The following CRTAC1 variants were observed in gnomAD, a reference collection of about 807,000 sequenced individuals.
CRTAC1 encodes the protein acidic secreted protein in cartilage.
In CRTAC1, 37 loss-of-function variants were observed where a neutral mutation model predicts 67.8. The ratio of observed to expected loss-of-function variants is 0.55; its 90% CI spans 0.42 to 0.72. CRTAC1 has a LOEUF of 0.72. CRTAC1 is among the 30% of genes least tolerant of loss of function. CRTAC1 has a pLI of 0.00. For missense variants in CRTAC1, 780 were observed against 931.6 expected, an observed-to-expected ratio of 0.84 and a Z score of 2.12; for synonymous variants, 348 against 371.0, an observed-to-expected ratio of 0.94 and a Z score of 0.71.
At chr10:97,873,152 C>T (rs1490101962) in intron 14 of CRTAC1, among the ~76,000 whole-genome samples, 1 of 152,150 alleles carries the variant, frequency 6.6e-6, no homozygotes, top group Non-Finnish European at 1.5e-5. Flanking sequence ...GAAACAACTT[C>T]TTAAGGCCAC....
chr10:97,949,078 C>T (rs2051308910), intron 2 of CRTAC1, among the ~76,000 whole-genome samples: 1 of 152,164 alleles, frequency 6.6e-6, no homozygotes, highest in African/African-American at 2.4e-5. Flanking sequence ...CCATATCACA[C>T]CCAGAAAGCT....
intron 2 of CRTAC1, among the ~76,000 whole-genome samples, chr10:97,952,490 A>G (rs1238051497): frequency 1.3e-5 from 2 of 149,776 alleles, no homozygotes; most frequent in East Asian, 3.9e-4. Context: ...TTGAGTCAAG[A>G]TCATGCCATT....
intron 6 of CRTAC1, among the ~76,000 whole-genome samples, chr10:97,906,546 C>T (rs2050615555): frequency 6.6e-6 from 1 of 152,210 alleles, no homozygotes; most frequent in Admixed American, 6.5e-5. Flanking sequence ...CTCACCTCTG[C>T]TTCCATCTCT....
At chr10:97,923,511 T>C (rs1368241019) in intron 3 of CRTAC1, 111 bp from the exon 4 acceptor site, 8 of 1,351,980 alleles carry the variant, frequency 5.9e-6, no homozygotes, top group South Asian at 1.3e-5. Context: ...CCAGAGGAGG[T>C]TGGGTCATCT....
At chr10:97,954,003 T>C (rs573549736) in intron 2 of CRTAC1, among the ~76,000 whole-genome samples, 46 of 152,122 alleles carry the variant, frequency 3.0e-4, no homozygotes, top group African/African-American at 1.1e-3. Flanking sequence ...AGCTGAAAAA[T>C]CAATGCCAGG....
chr10:97,935,334 T>C (rs1291709873), intron 3 of CRTAC1, among the ~76,000 whole-genome samples: 1 of 152,218 alleles, frequency 6.6e-6, no homozygotes, highest in Non-Finnish European at 1.5e-5. Flanking sequence ...TAGGTGCTAC[T>C]TAAGTATTAA....
chr10:98,027,246 C>T (rs1036190775), intron 1 of CRTAC1, among the ~76,000 whole-genome samples: 1 of 151,822 alleles, frequency 6.6e-6, no homozygotes, highest in Non-Finnish European at 1.5e-5. Context: ...GCTCAGATGT[C>T]GACAGCCAGG....
At chr10:97,962,855 T>A (rs929984917) in intron 2 of CRTAC1, among the ~76,000 whole-genome samples, 16 of 149,792 alleles carry the variant, frequency 1.1e-4, no homozygotes, top group African/African-American at 3.5e-4. Context: ...GGCATCAACA[T>A]GCCAGGAGGA....
At chr10:97,951,746 G>T (rs1173725216) in intron 2 of CRTAC1, among the ~76,000 whole-genome samples, 1 of 152,170 alleles carries the variant, frequency 6.6e-6, no homozygotes, top group African/African-American at 2.4e-5. Flanking sequence ...TTTATGGTTT[G>T]AATCATTCAT....
intron 1 of CRTAC1, among the ~76,000 whole-genome samples, chr10:98,020,724 G>A (rs1267778113): frequency 1.3e-5 from 2 of 152,252 alleles, no homozygotes; most frequent in African/African-American, 4.8e-5. Flanking sequence ...GAGATGTGCA[G>A]GTTTGTGTAG....
chr10:97,927,680 A>G (rs1564898400), intron 3 of CRTAC1, among the ~76,000 whole-genome samples: 1 of 152,250 alleles, frequency 6.6e-6, no homozygotes, highest in Non-Finnish European at 1.5e-5. Flanking sequence ...AGAGCCTTGT[A>G]GATCATAAAT....
rs779105102 is a variant in CRTAC1 at position 97,901,606 on chromosome 10, G to C, written c.1030C>G (p.Pro344Ala). The stretch of plus-strand genomic sequence containing the variant: ...TCGGCGGTGATGACCGTGCGGACAG[G>C]GGAGGGCATGGAGAACTTGGGTGAG... ...IASPKFSMPSPVRTVITADFD... is the reference protein window; with the variant it reads ...IASPKFSMPSAVRTVITADFD... Residue 344 changes from proline to alanine, a missense_variant, in exon 8 of 15, where the codon CCT becomes GCT. By Grantham distance (27) the Pro-to-Ala change is conservative. Coordinates refer to ENST00000370597, the MANE Select transcript of CRTAC1 (RefSeq NM_018058.7). The C allele has an allele frequency of 6.2e-7, 1 of 1,614,196 alleles. No individual in the cohort carries two copies. Among genetic ancestry groups the C allele is most frequent in the African/African-American group, 1.3e-5 (1 of 75,064 alleles).
At chr10:97,882,253 G>A (rs1334246744) in intron 13 of CRTAC1, among the ~76,000 whole-genome samples, 1 of 152,140 alleles carries the variant, frequency 6.6e-6, no homozygotes, top group Non-Finnish European at 1.5e-5. Context: ...CCCATTCCAG[G>A]CTCTTGGGGA....
chr10:98,015,092 A>G (rs918021326), intron 1 of CRTAC1, among the ~76,000 whole-genome samples: 1 of 152,246 alleles, frequency 6.6e-6, no homozygotes, highest in African/African-American at 2.4e-5. Context: ...TGATATATGC[A>G]TACAGTGCAA....
At chr10:98,000,076 C>T (rs1842660006) in intron 2 of CRTAC1, among the ~76,000 whole-genome samples, 1 of 152,206 alleles carries the variant, frequency 6.6e-6, no homozygotes, top group African/African-American at 2.4e-5. Flanking sequence ...GCTGTTCTAT[C>T]ACTCAGTAAA....
intron 3 of CRTAC1, among the ~76,000 whole-genome samples, chr10:97,924,313 AGGG>A (rs2050882757): frequency 6.6e-6 from 1 of 152,178 alleles, no homozygotes; most frequent in East Asian, 1.9e-4. Flanking sequence ...TTCGTAGTTT[AGGG>A]GGGTCCTCGT....
chr10:98,025,988 C>T (rs926724232), intron 1 of CRTAC1, among the ~76,000 whole-genome samples: 1 of 152,164 alleles, frequency 6.6e-6, no homozygotes, highest in Non-Finnish European at 1.5e-5. Flanking sequence ...GCCCATCAGC[C>T]CAGATATTGC....
chr10:97,895,229 C>T lies in CRTAC1; in HGVS notation c.1486+16G>A, dbSNP rs1423625737. ...CCTGATAACAGCTCACTGTCCCCCA[C>T]CGGACCCCGACTCACCCAGGCCAAA... On this transcript the variant is annotated intron_variant, in intron 11 of 14. Coordinates refer to ENST00000370597, the MANE Select transcript of CRTAC1 (RefSeq NM_018058.7). The surrounding 1 kb of genome is among the most constrained non-coding windows in gnomAD (Gnocchi z 4.2). The T allele has an allele frequency of 3.7e-6, 6 of 1,605,648 alleles. No individual in the cohort carries two copies. The highest frequency in any genetic ancestry group is 5.1e-6 in the Non-Finnish European group (6 of 1,179,544).
chr10:97,931,734 C>T (rs550429870), intron 3 of CRTAC1, among the ~76,000 whole-genome samples: 2 of 152,340 alleles, frequency 1.3e-5, no homozygotes, highest in Admixed American at 6.5e-5. Context: ...CTGACCCATC[C>T]ACTACCCATG....
Sources: allele counts gnomAD v4.1 joint callset (sites outside exome capture counted in the v4.1 genomes callset), GRCh38; gene constraint gnomAD v4.1.1; non-coding constraint Gnocchi (gnomAD v3.1); transcripts MANE v1.5; gene names NCBI Gene and HGNC (gene_info 2026-07-23, HGNC 2026-07-21).